Variants in GLDC observed in about 807,000 individuals in gnomAD.
GLDC encodes the protein glycine dehydrogenase (decarboxylating), mitochondrial.
Under a neutral mutation model 121.3 loss-of-function variants are expected in GLDC, and 104 were observed. That is an observed-to-expected ratio of 0.86 (90% CI 0.73 to 1.01). The LOEUF (loss-of-function observed/expected upper bound fraction) is 1.01. GLDC is among the 50% of genes least tolerant of loss of function. The pLI, the probability that GLDC is intolerant of heterozygous loss-of-function variation, is 0.00. For synonymous variants in GLDC, 546 were observed against 480.6 expected, an observed-to-expected ratio of 1.14 and a Z score of -1.78; for missense variants, 1,429 against 1,306.6, an observed-to-expected ratio of 1.09 and a Z score of -1.44.
At chr9:6,574,158 C>CA (rs150589023) in intron 15 of GLDC, among the ~76,000 whole-genome samples, 27,774 of 152,108 alleles carry the variant, frequency 0.18, 3,389 homozygotes, top group Middle Eastern at 0.28. Context: ...TTCTCACGCT[C>CA]AGTCTAGTTC....
rs919482687 is a variant in GLDC at position 6,620,107 on chromosome 9, T to A, written c.470+77A>T. On this transcript the variant is annotated intron_variant, in intron 3 of 24. Transcript: ENST00000321612. ...GGTGTCAGTGTGGAGGCTCTGAGAC[T>A]GCAAGGGGACAGATGGAGGATGGAG... is the stretch of plus-strand genomic sequence containing the variant. 4.8e-6 allele frequency: 7 copies of A among 1,452,298 alleles called. No individual in the cohort carries two copies. In the African/African-American group the frequency reaches 9.7e-5, roughly 20 times the overall value. 90.0% of individuals were successfully genotyped at this position (1,452,298 alleles called of 1,614,324 possible).
At chr9:6,609,104 C>T (rs903656085) in intron 4 of GLDC, among the ~76,000 whole-genome samples, 4 of 152,120 alleles carry the variant, frequency 2.6e-5, no homozygotes, top group Admixed American at 2.6e-4. Context: ...AGCATGTGTG[C>T]GTCTTTCCCA....
At chr9:6,615,581 TAAA>T (rs35065126) in intron 3 of GLDC, among the ~76,000 whole-genome samples, 116 of 143,198 alleles carry the variant, frequency 8.1e-4, no homozygotes, top group African/African-American at 1.9e-3. Flanking sequence ...GACCTTGTCT[TAAA>T]AAAAAAAAAA....
chr9:6,604,310 A>G (rs1818686178), intron 7 of GLDC, among the ~76,000 whole-genome samples: 1 of 152,194 alleles, frequency 6.6e-6, no homozygotes, highest in South Asian at 2.1e-4. Context: ...TAAAATATTT[A>G]GTCTTTCAAG....
chr9:6,632,370 CA>C (rs1819402430), intron 2 of GLDC, among the ~76,000 whole-genome samples: 1 of 152,178 alleles, frequency 6.6e-6, no homozygotes, highest in Non-Finnish European at 1.5e-5. Context: ...GCAGTGTCTA[CA>C]ATAATTTCAG....
intron 15 of GLDC, among the ~76,000 whole-genome samples, chr9:6,581,641 A>G (rs1587941958): frequency 6.6e-6 from 1 of 152,348 alleles, no homozygotes; most frequent in Middle Eastern, 3.4e-3. Flanking sequence ...AATACAGAAT[A>G]TAAATCTAAA....
chr9:6,553,305 G>T, intron 20 of GLDC, 63 bp downstream of exon 20: 1 of 1,434,462 alleles, frequency 7.0e-7, no homozygotes, highest in African/African-American at 1.4e-5. Flanking sequence ...TGCAGTATCC[G>T]GTCCCCATGC....
intron 8 of GLDC, among the ~76,000 whole-genome samples, chr9:6,597,712 G>A (rs1486547164): frequency 6.6e-6 from 1 of 152,178 alleles, no homozygotes; most frequent in East Asian, 1.9e-4. Flanking sequence ...TGAGGCAGGT[G>A]GATCATGAGG....
In GLDC at chr9:6,605,229, T is replaced by C. The variant is rs1818705987; in HGVS notation, c.763A>G (p.Ser255Gly). ...AACACTCCACTGACATCTTTTCCAC[T>C]GAAGTCCATTTCACAGGGTAACTTC... ...ELKLPCEMDF[S>G]GKDVSGVLFQ... The change falls in exon 6 of 25, where the codon AGT becomes GGT. Residue 255 changes from serine (S) to glycine (G), a missense_variant. By Grantham distance (56) the Ser-to-Gly change is moderately conservative (BLOSUM62 0). Coordinates refer to ENST00000321612, the MANE Select transcript of GLDC (RefSeq NM_000170.3). 6.2e-6 allele frequency: 10 copies of C among 1,613,636 alleles called. No individual in the cohort carries two copies. Among genetic ancestry groups the C allele is most frequent in the Admixed American group, 1.7e-5 (1 of 59,988 alleles).
intron 9 of GLDC, among the ~76,000 whole-genome samples, chr9:6,594,025 C>CTCT (rs1818438630): frequency 1.3e-5 from 2 of 151,916 alleles, no homozygotes; most frequent in South Asian, 4.2e-4. Flanking sequence ...TGTGGTCTCG[C>CTCT]TCTTGCCCAC....
chr9:6,620,695 A>C (rs1819074434), intron 2 of GLDC, among the ~76,000 whole-genome samples: 2 of 152,150 alleles, frequency 1.3e-5, no homozygotes, highest in Non-Finnish European at 2.9e-5. Context: ...ACTGTGTTTT[A>C]CCTTCTAAAC....
At chr9:6,637,404 CAAA>C (rs71328199) in intron 2 of GLDC, among the ~76,000 whole-genome samples, 1 of 139,914 alleles carries the variant, frequency 7.1e-6, no homozygotes. Context: ...AGACTTCTCT[CAAA>C]AAAAAAAAAA....
At position 6,536,120 on chromosome 9, in the gene GLDC, G is replaced by A. The variant is rs1563827503; in HGVS notation, c.2782C>T (p.Gln928Ter). 2.5e-6 allele frequency: 4 copies of A among 1,614,110 alleles called. No individual in the cohort carries two copies. The highest frequency in any genetic ancestry group is 1.7e-6 in the Non-Finnish European group (2 of 1,179,964). ...RFCDAMISIR[Q>*]EIADIEEGRI... Reference sequence around the variant, plus strand: ...CCCTCCTCAATGTCAGCAATTTCCTGCCGAATGCTGATCATGGCATCACAG... The same window carrying A: ...CCCTCCTCAATGTCAGCAATTTCCTACCGAATGCTGATCATGGCATCACAG... Residue 928 changes from glutamine to a stop codon, truncating the protein, a stop_gained, in exon 23 of 25, where the codon CAG becomes TAG. Transcript: ENST00000321612. LOFTEE classifies it high-confidence loss of function.
chr9:6,627,950 C>A (rs1263064259), intron 2 of GLDC, among the ~76,000 whole-genome samples: 4 of 152,030 alleles, frequency 2.6e-5, no homozygotes, highest in Non-Finnish European at 5.9e-5. Flanking sequence ...ACCTAGAAGC[C>A]CAGAGTTTGA....
At chr9:6,576,873 A>C (rs751194822) in intron 15 of GLDC, among the ~76,000 whole-genome samples, 6 of 152,216 alleles carry the variant, frequency 3.9e-5, no homozygotes, top group Non-Finnish European at 8.8e-5. Context: ...TCCTGAATTA[A>C]ATCTCATTCA....
chr9:6,593,660 T>A (rs949981186), intron 9 of GLDC, among the ~76,000 whole-genome samples: 1 of 151,280 alleles, frequency 6.6e-6, no homozygotes, highest in Non-Finnish European at 1.5e-5. Flanking sequence ...TGTACAATAG[T>A]CAAACATATG....
In GLDC at chr9:6,603,222, C is replaced by T. The variant is rs549143112; in HGVS notation, c.1059-1017G>A. Among the ~76,000 whole-genome samples, 9 of 145,104 alleles carry T rather than the reference C, an allele frequency of 6.2e-5. No homozygotes were observed. In the South Asian group the frequency reaches 6.5e-4, roughly 11 times the overall value. ...CAGCCTGGGTGACAGAGAGAGACTC[C>T]GTCTCAAAAAATAAAAAAAAAAAAA... On this transcript the variant is annotated intron_variant, in intron 7 of 24. Transcript: ENST00000321612.
chr9:6,640,105 C>G (rs1483559019), intron 2 of GLDC, among the ~76,000 whole-genome samples: 7 of 152,158 alleles, frequency 4.6e-5, no homozygotes, highest in Non-Finnish European at 7.3e-5. Context: ...AAAGGCTTCC[C>G]TTTTTTCCAC....
At chr9:6,621,559 C>T (rs1819094415) in intron 2 of GLDC, among the ~76,000 whole-genome samples, 1 of 152,100 alleles carries the variant, frequency 6.6e-6, no homozygotes, top group African/African-American at 2.4e-5. Flanking sequence ...GCTCTGTCAC[C>T]CAGGCTGGAG....
Sources: allele counts gnomAD v4.1 joint callset (sites outside exome capture counted in the v4.1 genomes callset), GRCh38; gene constraint gnomAD v4.1.1; transcripts MANE v1.5; gene names NCBI Gene and HGNC (gene_info 2026-07-23, HGNC 2026-07-21).